CACNB4: variants seen among roughly 807,000 people sequenced by gnomAD.
The protein encoded by CACNB4 is voltage-dependent L-type calcium channel subunit beta-4.
Under a neutral mutation model 71.2 loss-of-function variants are expected in CACNB4, and 32 were observed. The observed-to-expected ratio is 0.45, with a 90% CI of 0.34 to 0.60. The LOEUF is 0.60. Ranked by LOEUF, CACNB4 falls within the 20% of genes least tolerant of loss-of-function variation. The pLI is 0.01. For missense variants in CACNB4, 464 were observed against 647.9 expected, an observed-to-expected ratio of 0.72 and a Z score of 3.08; for synonymous variants, 231 against 236.9, an observed-to-expected ratio of 0.97 and a Z score of 0.23.
At chr2:152,046,086 CATTA>C (rs2105269176) in intron 2 of CACNB4, among the ~76,000 whole-genome samples, 1 of 152,146 alleles carries the variant, frequency 6.6e-6, no homozygotes, top group East Asian at 1.9e-4. Context: ...ATAAAATCAA[CATTA>C]GTTAGCTTTT....
chr2:151,844,236 A>G lies in CACNB4; in HGVS notation c.1117-2148T>C, dbSNP rs2099836970. Among the ~76,000 whole-genome samples the G allele has an allele frequency of 3.9e-5, 6 of 152,350 alleles. 1 individual carries two copies. The highest frequency in any genetic ancestry group is 3.4e-3 in the Middle Eastern group (1 of 294). ...TAAGTATTAAAATCCATAATAATCT[A>G]TGTCACACTGGGACTTTAATTCAGA... On this transcript the variant is annotated intron_variant, in intron 12 of 13. Coordinates refer to ENST00000539935, the MANE Select transcript of CACNB4 (RefSeq NM_000726.5).
At chr2:151,994,275 G>T (rs1414103274) in intron 2 of CACNB4, among the ~76,000 whole-genome samples, 1 of 151,962 alleles carries the variant, frequency 6.6e-6, no homozygotes, top group East Asian at 1.9e-4. Flanking sequence ...TGTCGCCCAG[G>T]CTGGAGTGCA....
At chr2:151,925,107 C>T (rs902485198) in intron 2 of CACNB4, among the ~76,000 whole-genome samples, 2 of 152,142 alleles carry the variant, frequency 1.3e-5, no homozygotes, top group Non-Finnish European at 2.9e-5. Context: ...TCCCCAGCAC[C>T]CAGTGGAGTA....
intron 2 of CACNB4, among the ~76,000 whole-genome samples, chr2:152,014,259 A>T (rs1326222308): frequency 1.3e-5 from 2 of 152,230 alleles, no homozygotes; most frequent in South Asian, 4.2e-4. Flanking sequence ...AGACAGGAGA[A>T]TCACTCAAAC....
intron 2 of CACNB4, among the ~76,000 whole-genome samples, chr2:152,070,481 T>C (rs1686619180): frequency 6.6e-6 from 1 of 152,118 alleles, no homozygotes; most frequent in African/African-American, 2.4e-5. Flanking sequence ...CATACATGCT[T>C]TTTTTATAGT....
chr2:151,973,861 C>T (rs1401768452), intron 2 of CACNB4: 34 of 1,472,742 alleles, frequency 2.3e-5, no homozygotes, highest in Non-Finnish European at 9.0e-7. Context: ...AGATGCTATT[C>T]ATTCACATCC....
chr2:151,906,501 C>T (rs929919474), intron 2 of CACNB4, among the ~76,000 whole-genome samples: 5 of 152,316 alleles, frequency 3.3e-5, no homozygotes, highest in Admixed American at 2.0e-4. Flanking sequence ...TATGAAGCCA[C>T]TAACTTCCTT....
At chr2:151,889,360 G>T (rs2151472934) in intron 2 of CACNB4, among the ~76,000 whole-genome samples, 1 of 151,990 alleles carries the variant, frequency 6.6e-6, no homozygotes, top group South Asian at 2.1e-4. Flanking sequence ...CAGCTACTTG[G>T]GAAGCTGAGA....
At chr2:151,953,616 G>A (rs768068996) in intron 2 of CACNB4, among the ~76,000 whole-genome samples, 5 of 152,110 alleles carry the variant, frequency 3.3e-5, no homozygotes, top group African/African-American at 7.2e-5. Context: ...GTTAGTAAAC[G>A]GAAAGCATTG....
chr2:151,910,610 T>G (rs13389487), intron 2 of CACNB4, among the ~76,000 whole-genome samples: 2 of 152,182 alleles, frequency 1.3e-5, no homozygotes, highest in African/African-American at 4.8e-5. Context: ...ATCAGATGGT[T>G]GTAGATGTGT....
chr2:152,074,948 T>C (rs760431705), intron 2 of CACNB4, among the ~76,000 whole-genome samples: 2 of 152,216 alleles, frequency 1.3e-5, no homozygotes, highest in Non-Finnish European at 2.9e-5. Context: ...ATCATCACTC[T>C]AGGATGTTCC....
chr2:151,985,566 A>G lies in CACNB4; in HGVS notation c.148-102196T>C, dbSNP rs1271992642. Among the ~76,000 whole-genome samples the G allele has an allele frequency of 2.0e-5, 3 of 152,006 alleles. No individual in the cohort carries two copies. In the East Asian group the frequency reaches 5.8e-4, roughly 29 times the overall value. ...CCTATTAGCTCAATGTGAAGTACCA[A>G]CTCTCAGCTTTATCACCAACAATAC... is the stretch of plus-strand genomic sequence containing the variant. On this transcript the variant is annotated intron_variant, in intron 2 of 13. Transcript: ENST00000539935.
chr2:151,970,070 T>C (rs543731233), intron 2 of CACNB4: 11 of 152,288 alleles, frequency 7.2e-5, no homozygotes, highest in Admixed American at 7.2e-4. Context: ...TACTCCTATG[T>C]GCAACTAACC....
intron 2 of CACNB4, among the ~76,000 whole-genome samples, chr2:152,012,098 TA>T (rs57150855): frequency 0.53 from 77,783 of 146,140 alleles, 21,529 homozygotes; most frequent in Non-Finnish European, 0.64. Flanking sequence ...TTCTATTTAT[TA>T]AAAAAAAAAA....
At chr2:151,911,759 T>G (rs995510906) in intron 2 of CACNB4, among the ~76,000 whole-genome samples, 2 of 152,234 alleles carry the variant, frequency 1.3e-5, no homozygotes, top group South Asian at 4.1e-4. Context: ...TGGTACCAGC[T>G]CCTCCTTGTA....
chr2:152,098,563 A>AGCCC lies in CACNB4; in HGVS notation c.64-154_64-151dup. 2 of 1,086,210 alleles carry AGCCC rather than the reference A, an allele frequency of 1.8e-6. No homozygotes were observed. Among genetic ancestry groups the AGCCC allele is most frequent in the Non-Finnish European group, 2.8e-6 (2 of 721,980 alleles). The allele number at this position is 1,086,210 out of a possible 1,614,324, so 67.3% of individuals were successfully genotyped here. A position where few individuals can be genotyped will look rare whatever the true frequency, so the allele number is the denominator to read the frequency against. The stretch of plus-strand genomic sequence containing the variant: ...AGTCTCCTCCGCGACTCCCAAATAC[A>AGCCC]GCCCCCACCCCCACCCACCCACTGC... On this transcript the variant is annotated intron_variant, in intron 1 of 13. Transcript: ENST00000539935. This position sits in a 1 kb window ranked among gnomAD's most constrained non-coding sequence, Gnocchi z 5.3.
At chr2:151,909,753 T>G (rs538406997) in intron 2 of CACNB4, among the ~76,000 whole-genome samples, 1 of 152,322 alleles carries the variant, frequency 6.6e-6, no homozygotes, top group South Asian at 2.1e-4. Flanking sequence ...TTTTTATGGC[T>G]GCATAGTATC....
At chr2:151,986,794 C>T (rs550782446) in intron 2 of CACNB4, among the ~76,000 whole-genome samples, 1 of 152,262 alleles carries the variant, frequency 6.6e-6, no homozygotes, top group African/African-American at 2.4e-5. Context: ...GTCTGATTCT[C>T]CTAGCATTGC....
chr2:152,036,417 C>T (rs189078348), intron 2 of CACNB4, among the ~76,000 whole-genome samples: 16 of 152,200 alleles, frequency 1.1e-4, no homozygotes, highest in East Asian at 1.9e-4. Context: ...CTCTTGCCTC[C>T]GCCTCCCAAG....
Sources: gnomAD v4.1 joint callset for allele counts (sites outside exome capture counted in the v4.1 genomes callset) on GRCh38, gnomAD v4.1.1 for gene constraint, Gnocchi (gnomAD v3.1) non-coding constraint, MANE v1.5 for transcripts, NCBI Gene and HGNC (gene_info 2026-07-23, HGNC 2026-07-21) for gene names.